Variants in DOCK1 observed in about 807,000 individuals in gnomAD.
DOCK1 encodes the protein dedicator of cytokinesis protein 1.
DOCK1 carries 138 observed loss-of-function variants against 262.7 expected under a neutral mutation model. That is an observed-to-expected ratio of 0.53 (90% CI 0.46 to 0.61). The LOEUF is 0.61. Ranked by LOEUF, DOCK1 falls within the 20% of genes least tolerant of loss-of-function variation. The pLI is 0.00. For synonymous variants in DOCK1, 866 were observed against 867.4 expected (o/e 1.00, Z 0.03); for missense variants, 1,908 against 2,370.7 (o/e 0.80, Z 4.05).
At chr10:127,317,257 G>A (rs2062324759) in intron 29 of DOCK1, among the ~76,000 whole-genome samples, 2 of 152,150 alleles carry the variant, frequency 1.3e-5, no homozygotes, top group South Asian at 4.1e-4. Context: ...TGGCCTTTTC[G>A]AGTCACGTCC....
chr10:127,422,139 G>A (rs1395630563), intron 46 of DOCK1, among the ~76,000 whole-genome samples: 1 of 132,852 alleles, frequency 7.5e-6, no homozygotes, highest in African/African-American at 2.8e-5. Flanking sequence ...CCCCCAACAA[G>A]ACTTGTTATT....
chr10:127,131,952 A>G (rs1021281988), intron 27 of DOCK1, among the ~76,000 whole-genome samples: 3 of 152,234 alleles, frequency 2.0e-5, no homozygotes, highest in African/African-American at 7.2e-5. Flanking sequence ...AATTAAAGTG[A>G]TTAAAAAGAA....
At chr10:127,001,367 T>C (rs2379276) in intron 10 of DOCK1, 60,477 of 151,962 alleles carry the variant, frequency 0.4, 12,946 homozygotes, top group South Asian at 0.52. Flanking sequence ...AGACAGTTCC[T>C]ATATATTTCT....
chr10:126,975,276 C>G (rs533764644), intron 2 of DOCK1, among the ~76,000 whole-genome samples: 25 of 152,270 alleles, frequency 1.6e-4, no homozygotes, highest in African/African-American at 5.3e-4. Context: ...CCCCGCTTCC[C>G]ACCACCCAAG....
intron 29 of DOCK1, among the ~76,000 whole-genome samples, chr10:127,320,723 C>T (rs2062482049): frequency 6.6e-6 from 1 of 152,172 alleles, no homozygotes; most frequent in Non-Finnish European, 1.5e-5. Flanking sequence ...TTCACTTAGG[C>T]ACTTGCTTGT....
At chr10:126,948,274 TTGG>T (rs1591401871) in intron 1 of DOCK1, among the ~76,000 whole-genome samples, 39 of 11,188 alleles carry the variant, frequency 3.5e-3, no homozygotes, top group South Asian at 8.9e-3. Context: ...AGTATTACTG[TTGG>T]TGGTGATGGT....
chr10:127,113,390 C>G (rs2048985129), intron 25 of DOCK1, among the ~76,000 whole-genome samples: 1 of 152,186 alleles, frequency 6.6e-6, no homozygotes, highest in Non-Finnish European at 1.5e-5. Flanking sequence ...CAAGTCTTTG[C>G]TTCTCAGCTT....
At chr10:127,268,753 T>A (rs2060464161) in intron 29 of DOCK1, among the ~76,000 whole-genome samples, 1 of 152,050 alleles carries the variant, frequency 6.6e-6, no homozygotes. Flanking sequence ...GGCTCCAGTG[T>A]CTTTGCAGGA....
intron 38 of DOCK1, among the ~76,000 whole-genome samples, chr10:127,387,672 C>T (rs917603747): frequency 6.6e-6 from 1 of 152,186 alleles, no homozygotes; most frequent in African/African-American, 2.4e-5. Context: ...CAATTCCCCA[C>T]CATGCATCTA....
At chr10:127,259,014 C>T (rs2059921685) in intron 29 of DOCK1, among the ~76,000 whole-genome samples, 1 of 152,116 alleles carries the variant, frequency 6.6e-6, no homozygotes, top group South Asian at 2.1e-4. Flanking sequence ...CTGCGGGAGT[C>T]CTACAAACCT....
intron 29 of DOCK1, among the ~76,000 whole-genome samples, chr10:127,336,746 A>G (rs182321443): frequency 0.011 from 1,605 of 152,148 alleles, 15 homozygotes; most frequent in Non-Finnish European, 0.014. Flanking sequence ...TCACTGTGTT[A>G]GCCAGGATGG....
chr10:127,119,374 G>A (rs1002139598), intron 25 of DOCK1, among the ~76,000 whole-genome samples: 3 of 152,152 alleles, frequency 2.0e-5, no homozygotes, highest in African/African-American at 7.2e-5. Flanking sequence ...TTCTGACTCC[G>A]ATGGTGCGTA....
chr10:126,984,518 T>C (rs769476646), intron 4 of DOCK1, among the ~76,000 whole-genome samples: 7 of 148,574 alleles, frequency 4.7e-5, no homozygotes, highest in Non-Finnish European at 1.0e-4. Context: ...AGCTAATTTT[T>C]GTGTGTGTGT....
chr10:127,184,489 C>T (rs1461587792), intron 27 of DOCK1, among the ~76,000 whole-genome samples: 2 of 149,652 alleles, frequency 1.3e-5, no homozygotes, highest in African/African-American at 2.5e-5. Flanking sequence ...GCCCCACCCC[C>T]GTCCCCCATC....
At chr10:126,940,929 C>A (rs2034932640) in intron 1 of DOCK1, among the ~76,000 whole-genome samples, 1 of 152,188 alleles carries the variant, frequency 6.6e-6, no homozygotes, top group Non-Finnish European at 1.5e-5. Flanking sequence ...TGTAACCTCA[C>A]CAAGATGATT....
At chr10:127,304,845 G>C (rs2061816176) in intron 29 of DOCK1, among the ~76,000 whole-genome samples, 1 of 152,084 alleles carries the variant, frequency 6.6e-6, no homozygotes, top group East Asian at 1.9e-4. Flanking sequence ...TCATACCACT[G>C]CACTCCAACC....
intron 1 of DOCK1, among the ~76,000 whole-genome samples, chr10:126,913,255 A>T (rs1218892906): frequency 6.6e-6 from 1 of 152,174 alleles, no homozygotes; most frequent in East Asian, 1.9e-4. Context: ...TAGCATTAGG[A>T]TATTCACACA....
At chr10:126,906,228 G>A (rs2030787033) in intron 1 of DOCK1, among the ~76,000 whole-genome samples, 1 of 152,316 alleles carries the variant, frequency 6.6e-6, no homozygotes, top group African/African-American at 2.4e-5. Context: ...TTGCTCCGCG[G>A]CTCTTTGTCG....
chr10:127,091,313 AC>A (rs1488436267), intron 23 of DOCK1, among the ~76,000 whole-genome samples: 5 of 152,158 alleles, frequency 3.3e-5, no homozygotes, highest in African/African-American at 1.2e-4. Context: ...TTTTGGGTAT[AC>A]ATCGAGGAGT....
Sources: allele counts gnomAD v4.1 joint callset (sites outside exome capture counted in the v4.1 genomes callset), GRCh38; gene constraint gnomAD v4.1.1; transcripts MANE v1.5; gene names NCBI Gene and HGNC (gene_info 2026-07-23, HGNC 2026-07-21).